Variants in GPM6A observed in about 807,000 individuals in gnomAD.
GPM6A encodes the protein glycoprotein M6A, also known as neuronal membrane glycoprotein M6-a.
Under a neutral mutation model 32.1 loss-of-function variants are expected in GPM6A, and 7 were observed. The ratio of observed to expected loss-of-function variants is 0.22; its 90% CI spans 0.12 to 0.41. GPM6A has a LOEUF of 0.41. Ranked by LOEUF, GPM6A falls within the 10% of genes least tolerant of loss-of-function variation. The pLI, the probability that GPM6A is intolerant of heterozygous loss-of-function variation, is 1.00. For missense variants in GPM6A, 235 were observed against 347.2 expected (o/e 0.68, Z 2.57); for synonymous variants, 130 against 123.4 (o/e 1.05, Z -0.35).
chr4:175,998,045 C>A (rs547655307), intron 1 of GPM6A, among the ~76,000 whole-genome samples: 11 of 152,218 alleles, frequency 7.2e-5, no homozygotes, highest in African/African-American at 2.6e-4. Context: ...AGGTTGGTAA[C>A]CCTTTCATCT....
intron 1 of GPM6A, among the ~76,000 whole-genome samples, chr4:175,725,490 A>C (rs1433552173): frequency 2.0e-5 from 3 of 151,982 alleles, no homozygotes; most frequent in African/African-American, 7.3e-5. Context: ...ATGAGGTCTC[A>C]CAATATTGCC....
intron 1 of GPM6A, among the ~76,000 whole-genome samples, chr4:175,732,945 A>G (rs1233182690): frequency 1.3e-5 from 2 of 152,190 alleles, no homozygotes; most frequent in Non-Finnish European, 2.9e-5. Flanking sequence ...ATATTAATTT[A>G]TTTGCCTAAG....
At chr4:175,896,834 T>C (rs552879669) in intron 1 of GPM6A, among the ~76,000 whole-genome samples, 2 of 152,306 alleles carry the variant, frequency 1.3e-5, no homozygotes, top group Non-Finnish European at 1.5e-5. Context: ...TGAAAAGACA[T>C]TGATGTTTGA....
chr4:175,745,524 A>G (rs1034273436), intron 1 of GPM6A, among the ~76,000 whole-genome samples: 1 of 152,192 alleles, frequency 6.6e-6, no homozygotes, highest in Admixed American at 6.6e-5. Flanking sequence ...ACCCAGATGA[A>G]TGAGAGCAAG....
intron 1 of GPM6A, among the ~76,000 whole-genome samples, chr4:175,888,509 G>T (rs1475802349): frequency 1.3e-5 from 2 of 151,946 alleles, no homozygotes; most frequent in Admixed American, 1.3e-4. Context: ...TAGCAAATCC[G>T]AAAGAACACA....
At chr4:175,901,945 G>C (rs1238375309) in intron 1 of GPM6A, among the ~76,000 whole-genome samples, 1 of 151,872 alleles carries the variant, frequency 6.6e-6, no homozygotes, top group Non-Finnish European at 1.5e-5. Flanking sequence ...TTCTTAAAAA[G>C]TTAAATTAAA....
At chr4:175,856,048 T>C (rs1736404753) in intron 1 of GPM6A, among the ~76,000 whole-genome samples, 1 of 152,148 alleles carries the variant, frequency 6.6e-6, no homozygotes, top group South Asian at 2.1e-4. Context: ...AAGATAAATC[T>C]GGAACATCTT....
chr4:175,655,739 T>G (rs1742048480), intron 3 of GPM6A, among the ~76,000 whole-genome samples: 1 of 152,098 alleles, frequency 6.6e-6, no homozygotes, highest in African/African-American at 2.4e-5. Flanking sequence ...CTACTGAACT[T>G]GAAATCAGAT....
At position 175,977,548 on chromosome 4, in the gene GPM6A, A is replaced by C. The variant is rs375921860; in HGVS notation, c.-23+24761T>G. 3.2e-4 allele frequency among the ~76,000 whole-genome samples: 49 copies of C among 152,350 alleles called. 1 individual carries two copies. Among genetic ancestry groups the C allele is most frequent in the African/African-American group, 1.1e-3 (47 of 41,582 alleles). On this transcript the variant is annotated intron_variant, in intron 1 of 7. Coordinates refer to the GPM6A transcript ENST00000280187. ...TATATTCTTCCTAATATCTAAAAAT[A>C]GTAATACATTATTTGATACATATCT...
chr4:175,812,176 C>T lies in GPM6A; in HGVS notation c.37+15G>A. The T allele has an allele frequency of 1.3e-6, 2 of 1,562,812 alleles. No individual in the cohort carries two copies. Among genetic ancestry groups the T allele is most frequent in the Non-Finnish European group, 1.8e-6 (2 of 1,140,256 alleles). On this transcript the variant is annotated intron_variant, in intron 1 of 6. Transcript: ENST00000393658. ...ATAATTACTTAGTTACAAATAAACG[C>T]TTTTAGCACAGTACCTTTTTGTGTC... is the stretch of plus-strand genomic sequence containing the variant.
At chr4:175,890,716 G>A (rs892399006) in intron 1 of GPM6A, among the ~76,000 whole-genome samples, 1 of 151,852 alleles carries the variant, frequency 6.6e-6, no homozygotes, top group Non-Finnish European at 1.5e-5. Flanking sequence ...ATCAAACCCA[G>A]CTAATCTTTA....
At chr4:175,911,729 C>G (rs1738325115) in intron 1 of GPM6A, among the ~76,000 whole-genome samples, 1 of 152,040 alleles carries the variant, frequency 6.6e-6, no homozygotes, top group African/African-American at 2.4e-5. Flanking sequence ...TGTAATAACC[C>G]AAACTAGGAT....
chr4:175,832,245 G>C (rs1386098089), intron 1 of GPM6A, among the ~76,000 whole-genome samples: 3 of 152,066 alleles, frequency 2.0e-5, no homozygotes, highest in African/African-American at 7.2e-5. Context: ...CTTCAGCCAG[G>C]TGACTCCAAA....
chr4:175,706,796 AG>A (rs1268415212), intron 1 of GPM6A, among the ~76,000 whole-genome samples: 1 of 152,196 alleles, frequency 6.6e-6, no homozygotes, highest in African/African-American at 2.4e-5. Context: ...AGAGTAGGTC[AG>A]CATAAGATAC....
At chr4:175,807,869 A>C (rs1447244437) in intron 1 of GPM6A, among the ~76,000 whole-genome samples, 1 of 152,188 alleles carries the variant, frequency 6.6e-6, no homozygotes, top group Non-Finnish European at 1.5e-5. Context: ...TTCTGATTGC[A>C]TTGAGCCCAG....
In GPM6A at chr4:175,824,039, A is replaced by G. The variant is rs577076419; in HGVS notation, c.-22-11790T>C. On this transcript the variant is annotated intron_variant, in intron 1 of 7. Transcript: ENST00000280187. Reference sequence around the variant, plus strand: ...TTAGAGAGTTTGTCAGTTCTGAGCAAGAGGCCTTAGATTGTGATCTACTCT... The same window carrying G: ...TTAGAGAGTTTGTCAGTTCTGAGCAGGAGGCCTTAGATTGTGATCTACTCT... Among the ~76,000 whole-genome samples, 79 of 152,206 alleles carry G rather than the reference A, an allele frequency of 5.2e-4. 1 individual carries two copies. The highest frequency in any genetic ancestry group is 9.4e-4 in the Non-Finnish European group (64 of 68,030).
chr4:175,997,918 T>C (rs561183195), intron 1 of GPM6A, among the ~76,000 whole-genome samples: 4 of 152,188 alleles, frequency 2.6e-5, no homozygotes, highest in South Asian at 2.1e-4. Context: ...ATCATGCAGT[T>C]GGCATCCTTC....
chr4:175,933,408 T>A (rs538016436), intron 1 of GPM6A, among the ~76,000 whole-genome samples: 1 of 152,314 alleles, frequency 6.6e-6, no homozygotes, highest in Admixed American at 6.5e-5. Context: ...GGATGTACAA[T>A]GATACAGTTT....
At chr4:175,756,072 G>A (rs1421726561) in intron 1 of GPM6A, among the ~76,000 whole-genome samples, 3 of 152,128 alleles carry the variant, frequency 2.0e-5, no homozygotes, top group African/African-American at 2.4e-5. Context: ...TAGGAGCTAA[G>A]GTCTGATGTG....
Sources: allele counts gnomAD v4.1 joint callset (sites outside exome capture counted in the v4.1 genomes callset), GRCh38; gene constraint gnomAD v4.1.1; transcripts MANE v1.5; gene names NCBI Gene and HGNC (gene_info 2026-07-23, HGNC 2026-07-21).